Variants in CCSER1 observed in about 807,000 individuals in gnomAD.
CCSER1 encodes the protein serine-rich coiled-coil domain-containing protein 1.
Under a neutral mutation model 82.0 loss-of-function variants are expected in CCSER1, and 41 were observed. The ratio of observed to expected loss-of-function variants is 0.50; its 90% CI spans 0.39 to 0.65. The LOEUF (loss-of-function observed/expected upper bound fraction) is 0.65. Among genes scored for constraint, CCSER1 ranks in the 30% least tolerant of loss-of-function variants. The pLI is 0.00. For missense variants in CCSER1, 1,119 were observed against 1,064.2 expected (o/e 1.05, Z -0.72); for synonymous variants, 414 against 383.9 (o/e 1.08, Z -0.92).
At chr4:90,810,799 A>G (rs1758164032) in intron 7 of CCSER1, among the ~76,000 whole-genome samples, 1 of 151,834 alleles carries the variant, frequency 6.6e-6, no homozygotes, top group African/African-American at 2.4e-5. Context: ...TTGGCCAAAA[A>G]GGAAAATCTT....
chr4:91,159,736 A>G (rs1192676845), intron 10 of CCSER1, among the ~76,000 whole-genome samples: 1 of 152,002 alleles, frequency 6.6e-6, no homozygotes, highest in East Asian at 1.9e-4. Flanking sequence ...GTGTGTGAAT[A>G]TAAACAGAAT....
At chr4:90,746,541 G>A (rs943367896) in intron 7 of CCSER1, among the ~76,000 whole-genome samples, 4 of 152,190 alleles carry the variant, frequency 2.6e-5, no homozygotes, top group East Asian at 3.9e-4. Flanking sequence ...TCCTAGGTCC[G>A]AATTCATTTT....
chr4:90,828,536 TTA>T, intron 8 of CCSER1, among the ~76,000 whole-genome samples: 1 of 152,274 alleles, frequency 6.6e-6, no homozygotes. Context: ...TTTTAAAAAT[TTA>T]GTTTCGTATC....
intron 10 of CCSER1, among the ~76,000 whole-genome samples, chr4:91,442,864 A>C (rs1243138208): frequency 1.3e-5 from 2 of 152,212 alleles, no homozygotes; most frequent in Non-Finnish European, 2.9e-5. Context: ...CAAAAAACAC[A>C]TGAAAAACTG....
At chr4:91,178,753 T>A (rs1459469660) in intron 10 of CCSER1, among the ~76,000 whole-genome samples, 2 of 152,224 alleles carry the variant, frequency 1.3e-5, no homozygotes, top group Non-Finnish European at 2.9e-5. Flanking sequence ...GTCTTGACTC[T>A]TTATCTAATT....
At chr4:90,832,482 T>A (rs752086490) in intron 8 of CCSER1, among the ~76,000 whole-genome samples, 34 of 152,158 alleles carry the variant, frequency 2.2e-4, no homozygotes, top group Non-Finnish European at 4.3e-4. Flanking sequence ...TTGAGTTGAC[T>A]TTTTTTAATG....
At chr4:91,123,728 C>T (rs1167701637) in intron 10 of CCSER1, among the ~76,000 whole-genome samples, 1 of 151,712 alleles carries the variant, frequency 6.6e-6, no homozygotes, top group East Asian at 1.9e-4. Flanking sequence ...CTTGGTTTTG[C>T]ATTAGTTGAA....
intron 10 of CCSER1, among the ~76,000 whole-genome samples, chr4:91,436,447 C>A (rs1380920203): frequency 6.6e-6 from 1 of 152,180 alleles, no homozygotes; most frequent in Non-Finnish European, 1.5e-5. Context: ...TTTCTCTAAT[C>A]AATCTTGCCT....
intron 10 of CCSER1, among the ~76,000 whole-genome samples, chr4:91,364,334 A>G (rs1749462231): frequency 6.6e-6 from 1 of 152,072 alleles, no homozygotes; most frequent in Non-Finnish European, 1.5e-5. Context: ...GATGGGAAAT[A>G]CACACTAGAT....
At chr4:90,466,189 A>C (rs1763613023) in intron 4 of CCSER1, among the ~76,000 whole-genome samples, 1 of 152,246 alleles carries the variant, frequency 6.6e-6, no homozygotes, top group South Asian at 2.1e-4. Context: ...TTAATCAAAA[A>C]GGAAATAATG....
At chr4:90,574,649 A>G (rs1014517124) in intron 5 of CCSER1, among the ~76,000 whole-genome samples, 1 of 151,688 alleles carries the variant, frequency 6.6e-6, no homozygotes, top group Non-Finnish European at 1.5e-5. Context: ...TTTCTTCCCT[A>G]CTGTGTACCA....
At chr4:90,392,880 A>G (rs1343693196) in intron 3 of CCSER1, among the ~76,000 whole-genome samples, 4 of 152,198 alleles carry the variant, frequency 2.6e-5, no homozygotes, top group Admixed American at 2.6e-4. Flanking sequence ...CAATCCAGAA[A>G]TCAGAGCCAA....
intron 9 of CCSER1, among the ~76,000 whole-genome samples, chr4:90,964,586 G>T (rs1349819036): frequency 4.0e-5 from 6 of 151,676 alleles, no homozygotes; most frequent in Admixed American, 2.6e-4. Context: ...TTAGCTGGGT[G>T]TGGTGGCAGG....
chr4:91,128,192 C>A (rs191811655), intron 10 of CCSER1, among the ~76,000 whole-genome samples: 3 of 152,166 alleles, frequency 2.0e-5, no homozygotes, highest in Admixed American at 2.0e-4. Flanking sequence ...CTTTTCTAAT[C>A]TTTTCCTTCA....
chr4:91,176,632 G>C (rs1396090199), intron 10 of CCSER1, among the ~76,000 whole-genome samples: 1 of 152,130 alleles, frequency 6.6e-6, no homozygotes, highest in African/African-American at 2.4e-5. Flanking sequence ...TCTGTTATTG[G>C]TGTATAAGAA....
chr4:90,783,853 TAA>T (rs1754127679), intron 7 of CCSER1, among the ~76,000 whole-genome samples: 1 of 152,136 alleles, frequency 6.6e-6, no homozygotes, highest in Non-Finnish European at 1.5e-5. Flanking sequence ...AGACCAGCTG[TAA>T]TTGTAAGATT....
At chr4:90,609,662 T>A (rs1785192831) in intron 5 of CCSER1, among the ~76,000 whole-genome samples, 1 of 152,170 alleles carries the variant, frequency 6.6e-6, no homozygotes, top group Non-Finnish European at 1.5e-5. Flanking sequence ...ATTGAGATAT[T>A]CATTAGGCAT....
chr4:90,760,932 T>A (rs1441348091), intron 7 of CCSER1, among the ~76,000 whole-genome samples: 1 of 152,014 alleles, frequency 6.6e-6, no homozygotes, highest in Non-Finnish European at 1.5e-5. Flanking sequence ...GAATAAAGAG[T>A]AAGTTATACT....
intron 5 of CCSER1, among the ~76,000 whole-genome samples, chr4:90,559,971 TACAACA>T (rs1324159200): frequency 6.6e-6 from 1 of 150,500 alleles, no homozygotes; most frequent in South Asian, 2.1e-4. Flanking sequence ...AAGGAAAAAC[TACAACA>T]ACAACAACAA....
Sources: allele counts gnomAD v4.1 joint callset (sites outside exome capture counted in the v4.1 genomes callset), GRCh38; gene constraint gnomAD v4.1.1; transcripts MANE v1.5; gene names NCBI Gene and HGNC (gene_info 2026-07-23, HGNC 2026-07-21).